The following STXBP5L variants were observed in gnomAD, a reference collection of about 807,000 sequenced individuals.
The protein encoded by STXBP5L is syntaxin binding protein 5L.
A neutral mutation model predicts 144.5 loss-of-function variants in STXBP5L; 65 were observed. That is an observed-to-expected ratio of 0.45 (90% CI 0.37 to 0.55). The LOEUF is 0.55. STXBP5L is among the 20% of genes least tolerant of loss of function. STXBP5L has a pLI of 0.00. For synonymous variants in STXBP5L, 505 were observed against 469.6 expected, an observed-to-expected ratio of 1.08 and a Z score of -0.97; for missense variants, 1,298 against 1,405.5, an observed-to-expected ratio of 0.92 and a Z score of 1.22.
chr3:121,313,710 C>T lies in STXBP5L; in HGVS notation c.2111-4765C>T, dbSNP rs867021351. Among the ~76,000 whole-genome samples, 158 of 87,086 alleles carry T rather than the reference C, an allele frequency of 1.8e-3. 3 individuals carry two copies. Among genetic ancestry groups the T allele is most frequent in the African/African-American group, 6.6e-3 (144 of 21,980 alleles). The allele number at this position is 87,086 out of a possible 152,430, so 57.1% of individuals were successfully genotyped here. A position where few individuals can be genotyped will look rare whatever the true frequency, so the allele number is the denominator to read the frequency against. On this transcript the variant is annotated intron_variant, in intron 19 of 26. Coordinates refer to ENST00000471454, the MANE Select transcript of STXBP5L (RefSeq NM_001308330.2). ...GCAGAGGAGCCCCTCACCTCCCGGA[C>T]GGGGCGGCTGGCCGGGCGGGGGGCT...
intron 3 of STXBP5L, among the ~76,000 whole-genome samples, chr3:120,999,930 A>G (rs1267392150): frequency 6.6e-6 from 1 of 152,222 alleles, no homozygotes; most frequent in Non-Finnish European, 1.5e-5. Context: ...GATGTTGAAT[A>G]TAGGCCCCCA....
At chr3:121,023,898 G>A (rs1369678435) in intron 3 of STXBP5L, among the ~76,000 whole-genome samples, 6 of 151,986 alleles carry the variant, frequency 3.9e-5, no homozygotes, top group South Asian at 2.1e-4. Flanking sequence ...TGGGACTACA[G>A]GTGCCCACCA....
chr3:121,188,760 C>A (rs761287273), intron 9 of STXBP5L, among the ~76,000 whole-genome samples: 2 of 152,138 alleles, frequency 1.3e-5, no homozygotes, highest in Non-Finnish European at 2.9e-5. Flanking sequence ...ATTCAACAAC[C>A]CTTCATGCTG....
intron 19 of STXBP5L, chr3:121,282,256 T>C: frequency 6.2e-7 from 1 of 1,610,574 alleles, no homozygotes; most frequent in Non-Finnish European, 8.5e-7. Flanking sequence ...TGGTCTGGCA[T>C]GTTCCAAAGA....
Position 121,307,390 on chromosome 3 carries a change from G to T in STXBP5L, c.2111-11085G>T, listed in dbSNP as rs73855367. ...AACAACCATTATAAATATGCTTAAAGAACTGGAAGACACTATGCTTAAAGA... is the reference window on the plus strand; with the variant it reads ...AACAACCATTATAAATATGCTTAAATAACTGGAAGACACTATGCTTAAAGA... On this transcript the variant is annotated intron_variant, in intron 19 of 26. Transcript: ENST00000471454. Among the ~76,000 whole-genome samples the T allele has an allele frequency of 7.9e-3, 1,197 of 152,246 alleles. 13 individuals are homozygous for T. The highest frequency in any genetic ancestry group is 0.028 in the African/African-American group (1,154 of 41,550).
chr3:121,045,242 G>A (rs1348996502), intron 4 of STXBP5L, among the ~76,000 whole-genome samples, 193 bp from the exon 5 acceptor site: 1 of 152,038 alleles, frequency 6.6e-6, no homozygotes, highest in Non-Finnish European at 1.5e-5. Context: ...AATGCAGTGG[G>A]TCAGTTGCCT....
chr3:121,203,380 A>C (rs1046591708), intron 9 of STXBP5L, among the ~76,000 whole-genome samples: 2 of 152,084 alleles, frequency 1.3e-5, no homozygotes, highest in African/African-American at 4.8e-5. Context: ...CCTCTACAGC[A>C]CTTTATGCTT....
At chr3:121,309,665 A>C (rs2043459601) in intron 19 of STXBP5L, among the ~76,000 whole-genome samples, 1 of 152,176 alleles carries the variant, frequency 6.6e-6, no homozygotes, top group African/African-American at 2.4e-5. Flanking sequence ...AAAATATTGC[A>C]GAAAGAAACA....
chr3:121,304,037 AT>A (rs2043243865), intron 19 of STXBP5L, among the ~76,000 whole-genome samples: 1 of 151,978 alleles, frequency 6.6e-6, no homozygotes, highest in African/African-American at 2.4e-5. Flanking sequence ...TAAAAAAAAA[AT>A]ACGTTGAAAG....
chr3:121,038,736 G>A (rs898990997), intron 3 of STXBP5L, among the ~76,000 whole-genome samples: 4 of 151,646 alleles, frequency 2.6e-5, no homozygotes, highest in African/African-American at 9.7e-5. Context: ...TCTCTTTGTG[G>A]TTCTATCAAT....
intron 9 of STXBP5L, among the ~76,000 whole-genome samples, chr3:121,195,315 C>T (rs2047876831): frequency 6.6e-6 from 1 of 152,096 alleles, no homozygotes; most frequent in African/African-American, 2.4e-5. Context: ...TTCAAAGAAG[C>T]TGCTTTTTTC....
intron 9 of STXBP5L, among the ~76,000 whole-genome samples, chr3:121,202,882 G>T (rs1258420764): frequency 2.0e-5 from 3 of 151,364 alleles, no homozygotes; most frequent in Admixed American, 2.0e-4. Context: ...TATCCTACTT[G>T]GAGTTTATTG....
At chr3:121,325,341 A>G (rs1327267070) in intron 20 of STXBP5L, among the ~76,000 whole-genome samples, 1 of 152,072 alleles carries the variant, frequency 6.6e-6, no homozygotes, top group Non-Finnish European at 1.5e-5. Flanking sequence ...CTTATGTAAT[A>G]CAACACCCCA....
intron 22 of STXBP5L, among the ~76,000 whole-genome samples, chr3:121,390,657 G>A (rs1026563642): frequency 5.3e-5 from 8 of 152,110 alleles, no homozygotes; most frequent in Admixed American, 3.3e-4. Flanking sequence ...AGCTTAGTTT[G>A]GATATGAAAT....
At chr3:121,091,047 T>A (rs373993788) in intron 5 of STXBP5L, among the ~76,000 whole-genome samples, 2 of 150,632 alleles carry the variant, frequency 1.3e-5, no homozygotes, top group Non-Finnish European at 2.9e-5. Flanking sequence ...TTTGTTCTTG[T>A]GATAGTTTAC....
chr3:121,027,114 T>C (rs1284867625), intron 3 of STXBP5L, among the ~76,000 whole-genome samples: 2 of 151,950 alleles, frequency 1.3e-5, no homozygotes, highest in Non-Finnish European at 2.9e-5. Flanking sequence ...TATATATGTG[T>C]TTGTATATGT....
At chr3:121,348,291 G>A (rs987559943) in intron 20 of STXBP5L, among the ~76,000 whole-genome samples, 10 of 152,078 alleles carry the variant, frequency 6.6e-5, no homozygotes, top group Non-Finnish European at 7.3e-5. Flanking sequence ...CCAGCCTTGC[G>A]TCCCAGGGAT....
chr3:121,224,291 A>G (rs2049054614), intron 11 of STXBP5L, among the ~76,000 whole-genome samples: 1 of 152,188 alleles, frequency 6.6e-6, no homozygotes, highest in African/African-American at 2.4e-5. Flanking sequence ...TTCCACTATT[A>G]TATGTATTAA....
At chr3:121,008,637 G>T (rs1414741856) in intron 3 of STXBP5L, among the ~76,000 whole-genome samples, 1 of 151,860 alleles carries the variant, frequency 6.6e-6, no homozygotes, top group Non-Finnish European at 1.5e-5. Flanking sequence ...CCTTACAATG[G>T]TTTAAGAGGC....
Sources: allele counts gnomAD v4.1 joint callset (sites outside exome capture counted in the v4.1 genomes callset), GRCh38; gene constraint gnomAD v4.1.1; transcripts MANE v1.5; gene names NCBI Gene and HGNC (gene_info 2026-07-23, HGNC 2026-07-21).